The following SUMF1 variants were observed in gnomAD, a reference collection of about 807,000 sequenced individuals.
SUMF1 encodes the protein sulfatase modifying factor 1.
In SUMF1, 48 loss-of-function variants were observed where a neutral mutation model predicts 47.6. That is an observed-to-expected ratio of 1.01 (90% CI 0.80 to 1.28). The LOEUF is 1.28. Ranked by LOEUF, SUMF1 falls within the 50% of genes most tolerant of loss-of-function variation. The probability of loss-of-function intolerance (pLI) is 0.00; values close to 1 mark genes in which losing one functional copy is unlikely to be tolerated. For missense variants in SUMF1, 571 were observed against 485.4 expected (o/e 1.18, Z -1.66); for synonymous variants, 230 against 192.1 (o/e 1.20, Z -1.63).
chr3:4,447,253 C>T (rs1230830925), intron 3 of SUMF1, among the ~76,000 whole-genome samples: 2 of 152,066 alleles, frequency 1.3e-5, no homozygotes, highest in African/African-American at 4.8e-5. Context: ...GAATGCAACA[C>T]TTAAAATAAT....
intron 8 of SUMF1, among the ~76,000 whole-genome samples, chr3:4,305,188 C>G (rs914403372): frequency 1.3e-5 from 2 of 152,084 alleles, no homozygotes; most frequent in African/African-American, 4.8e-5. Context: ...CAGGTTCAAG[C>G]GATTCTTCCA....
chr3:4,386,040 A>G (rs1032149949), intron 7 of SUMF1, among the ~76,000 whole-genome samples: 1 of 152,170 alleles, frequency 6.6e-6, no homozygotes, highest in Non-Finnish European at 1.5e-5. Flanking sequence ...GTAGCTAAGT[A>G]GTAAGTCTTC....
At chr3:4,222,396 G>A (rs1696085633) in intron 8 of SUMF1, among the ~76,000 whole-genome samples, 1 of 151,840 alleles carries the variant, frequency 6.6e-6, no homozygotes, top group African/African-American at 2.4e-5. Flanking sequence ...TTATTTTTCT[G>A]TGAGCTCTGT....
intron 8 of SUMF1, among the ~76,000 whole-genome samples, chr3:4,152,024 A>G (rs1694347850): frequency 6.6e-6 from 1 of 151,652 alleles, no homozygotes; most frequent in Non-Finnish European, 1.5e-5. Context: ...TGAAAATACA[A>G]GCATTCATAA....
At chr3:4,325,146 C>G (rs1055762186) in intron 8 of SUMF1, among the ~76,000 whole-genome samples, 2 of 152,114 alleles carry the variant, frequency 1.3e-5, no homozygotes, top group Non-Finnish European at 2.9e-5. Flanking sequence ...CCTCCCATGA[C>G]AAATGGGAAT....
At chr3:4,111,888 T>C (rs1475762658) in intron 8 of SUMF1, among the ~76,000 whole-genome samples, 1 of 152,096 alleles carries the variant, frequency 6.6e-6, no homozygotes, top group African/African-American at 2.4e-5. Context: ...TTCATTAGAA[T>C]TTACTTGAGA....
intron 8 of SUMF1, among the ~76,000 whole-genome samples, chr3:4,246,010 C>G (rs1283534276): frequency 6.6e-6 from 1 of 152,204 alleles, no homozygotes; most frequent in Non-Finnish European, 1.5e-5. Context: ...CCAGGTCAAT[C>G]TCAGACTGCT....
chr3:4,151,755 A>G (rs1323104881), intron 8 of SUMF1, among the ~76,000 whole-genome samples: 1 of 151,312 alleles, frequency 6.6e-6, no homozygotes, highest in African/African-American at 2.5e-5. Context: ...AAGTTTATGA[A>G]TCTGTGTTGG....
intron 8 of SUMF1, among the ~76,000 whole-genome samples, chr3:4,165,965 C>T (rs1457002220): frequency 6.6e-6 from 1 of 151,482 alleles, no homozygotes; most frequent in Admixed American, 6.6e-5. Flanking sequence ...TGCCCAAGAA[C>T]CCATAACAGT....
chr3:4,453,164 A>T, intron 1 of SUMF1, 115 bp from the exon 2 acceptor site: 1 of 1,067,358 alleles, frequency 9.4e-7, no homozygotes, highest in South Asian at 1.4e-5. Context: ...TCACCACAGT[A>T]ATAACTGTAA....
intron 8 of SUMF1, among the ~76,000 whole-genome samples, chr3:4,117,718 A>G (rs1400167): frequency 0.44 from 66,186 of 151,436 alleles, 14,646 homozygotes; most frequent in African/African-American, 0.48. Context: ...GGAGCACGGC[A>G]TTAGAAATCA....
At chr3:4,365,730 T>C (rs1243956390) in intron 8 of SUMF1, among the ~76,000 whole-genome samples, 5 of 148,390 alleles carry the variant, frequency 3.4e-5, no homozygotes, top group East Asian at 2.0e-4. Context: ...AAAGTTAATA[T>C]TGTTATGTGT....
Position 4,065,462 on chromosome 3 carries a change from G to A in SUMF1, c.1191+3107C>T, listed in dbSNP as rs1281234653. Reference sequence around the variant, plus strand: ...GAAAAACCTAATTGCATCTGACTAAGGCAAGACAAACAGAACCGTATTTTT... The same window carrying A: ...GAAAAACCTAATTGCATCTGACTAAAGCAAGACAAACAGAACCGTATTTTT... On this transcript the variant is annotated intron_variant and NMD_transcript_variant, in intron 9 of 12. Coordinates refer to the SUMF1 transcript ENST00000448413. Among the ~76,000 whole-genome samples the A allele has an allele frequency of 1.3e-5, 2 of 152,020 alleles. 1 individual carries two copies. Among genetic ancestry groups the A allele is most frequent in the Non-Finnish European group, 2.9e-5 (2 of 68,018 alleles).
At chr3:4,259,014 C>T (rs1033135491) in intron 8 of SUMF1, among the ~76,000 whole-genome samples, 1 of 149,126 alleles carries the variant, frequency 6.7e-6, no homozygotes, top group African/African-American at 2.5e-5. Flanking sequence ...ATCGCAAGAA[C>T]AAAAAACCAA....
intron 7 of SUMF1, among the ~76,000 whole-genome samples, chr3:4,405,310 G>A (rs1025841439): frequency 2.0e-5 from 3 of 152,140 alleles, no homozygotes; most frequent in Non-Finnish European, 4.4e-5. Flanking sequence ...CAAGAGCTCA[G>A]AGGGGTGGCC....
intron 8 of SUMF1, among the ~76,000 whole-genome samples, chr3:4,333,718 A>C (rs376609734): frequency 1.2e-4 from 19 of 152,318 alleles, no homozygotes; most frequent in African/African-American, 4.6e-4. Context: ...GAGGACTCAG[A>C]GCAATGAAGA....
chr3:4,423,620 T>A (rs1326682174), intron 3 of SUMF1, among the ~76,000 whole-genome samples: 1 of 152,218 alleles, frequency 6.6e-6, no homozygotes, highest in Non-Finnish European at 1.5e-5. Flanking sequence ...AATTGGTATA[T>A]TAAATAGTTT....
chr3:4,338,890 T>C (rs987468525), intron 8 of SUMF1, among the ~76,000 whole-genome samples: 3 of 152,162 alleles, frequency 2.0e-5, no homozygotes. Flanking sequence ...TATGTCTAGC[T>C]ACTCTATGAG....
At chr3:4,372,242 A>T (rs977215733) in intron 8 of SUMF1, among the ~76,000 whole-genome samples, 13 of 152,168 alleles carry the variant, frequency 8.5e-5, no homozygotes, top group African/African-American at 3.1e-4. Context: ...CGGACATTGC[A>T]GTGAGCCTAG....
Sources: gnomAD v4.1 joint callset for allele counts (sites outside exome capture counted in the v4.1 genomes callset) on GRCh38, gnomAD v4.1.1 for gene constraint, MANE v1.5 for transcripts, NCBI Gene and HGNC (gene_info 2026-07-23, HGNC 2026-07-21) for gene names.